GOLGA2: variants seen among roughly 807,000 people sequenced by gnomAD.
The protein encoded by GOLGA2 is golgin subfamily A member 2.
A neutral mutation model predicts 148.8 loss-of-function variants in GOLGA2; 49 were observed. That is an observed-to-expected ratio of 0.33 (90% confidence interval 0.26 to 0.42). The LOEUF (loss-of-function observed/expected upper bound fraction) is 0.42. Ranked by LOEUF, GOLGA2 falls within the 10% of genes least tolerant of loss-of-function variation. The pLI, the probability that GOLGA2 is intolerant of heterozygous loss-of-function variation, is 1.00. For synonymous variants in GOLGA2, 501 were observed against 511.8 expected (o/e 0.98, Z 0.28); for missense variants, 1,178 against 1,304.6 (o/e 0.90, Z 1.49).
chr9:128,265,341 G>A (rs1044681230), intron 12 of GOLGA2, among the ~76,000 whole-genome samples: 5 of 152,246 alleles, frequency 3.3e-5, no homozygotes, highest in Non-Finnish European at 7.4e-5. Context: ...GCCAGGTAAC[G>A]GCACAGCGGG....
In GOLGA2 at chr9:128,267,270, C is replaced by T. The variant is rs1211422487; in HGVS notation, c.566G>A (p.Arg189Gln). 5 of 1,606,572 alleles carry T rather than the reference C, an allele frequency of 3.1e-6. No individual in the cohort carries two copies. The highest frequency in any genetic ancestry group is 2.2e-5 in the East Asian group (1 of 44,856). ...SSANLKDLES[R>Q]YQQLAVALDS... ...CAGGGCTACCGCTAGCTGTTGGTAC[C>T]GGCTCTGAGGCGCATGCAGAGAGGA... Residue 189 changes from arginine to glutamine, a missense_variant, in exon 8 of 27, where the codon CGG (arginine) becomes CAG (glutamine). Arg to Gln is a conservative substitution (Grantham distance 43). Transcript: ENST00000611957.
Position 128,257,914 on chromosome 9 carries a change from C to T in GOLGA2, c.2509-22G>A, listed in dbSNP as rs1829990633. On this transcript the variant is annotated intron_variant, in intron 23 of 26. Coordinates refer to ENST00000611957, the MANE Select transcript of GOLGA2 (RefSeq NM_001366244.2). The surrounding 1 kb of genome is among the most constrained non-coding windows in gnomAD (Gnocchi z 8.0). The stretch of plus-strand genomic sequence containing the variant: ...GGCTCTGGAACCAAAATAATGGAGT[C>T]ATATATCGGCAGCGACCTGCCCCGC... The T allele has an allele frequency of 6.2e-7, 1 of 1,611,846 alleles. No individual in the cohort carries two copies. The highest frequency in any genetic ancestry group is 8.5e-7 in the Non-Finnish European group (1 of 1,177,898).
Position 128,258,555 on chromosome 9 carries a change from C to T in GOLGA2, c.2189G>A (p.Arg730Gln), listed in dbSNP as rs1386531303. The stretch of plus-strand genomic sequence containing the variant: ...CTCCTCCTCATCCTCCTCCTCCTCC[C>T]GGTCCAGTCCATCTCCTATGGGGGT... ...AHPGEGDGLD[R>Q]EEEEDEEEEE... Residue 730 changes from arginine to glutamine, a missense_variant, in exon 22 of 27, where the codon CGG (arginine) becomes CAG (glutamine). Arg to Gln is a conservative substitution (Grantham distance 43). This residue lies in a region of GOLGA2 where 529 missense variants were observed against 521.8 expected (regional missense o/e 1.01). Transcript: ENST00000611957. This position sits in a 1 kb window ranked among gnomAD's most constrained non-coding sequence, Gnocchi z 6.6. 4 of 1,567,620 alleles carry T rather than the reference C, an allele frequency of 2.6e-6. No individual in the cohort carries two copies. Among genetic ancestry groups the T allele is most frequent in the Admixed American group, 1.9e-5 (1 of 52,132 alleles).
rs1830187342 is a variant in GOLGA2 at position 128,260,462 on chromosome 9, C to T, written c.1758+3G>A. 1.2e-6 allele frequency: 2 copies of T among 1,605,900 alleles called. No homozygotes were observed. The highest frequency in any genetic ancestry group is 1.7e-6 in the Non-Finnish European group (2 of 1,174,566). ...GGCGGGCTCTCCAGGTGGGGCAGCG[C>T]ACCAGCTTTACAAATCCGCTCTGCA... On this transcript the variant is annotated splice_donor_region_variant and intron_variant, in intron 18 of 26. Transcript: ENST00000611957. This position sits in a 1 kb window ranked among gnomAD's most constrained non-coding sequence, Gnocchi z 4.8.
In GOLGA2 at chr9:128,275,950, G is replaced by A. The variant is rs768228451; in HGVS notation, c.27C>T (p.Pro9=). MWPQPRLP[P]RPAMSEETRQ... ...GGGTTTCTTCCGACATCGCGGGGCG[G>A]GGAGGGAGGCGGGGTTGGGGCCACA... is the stretch of plus-strand genomic sequence containing the variant. Residue 9 remains proline (P), a synonymous_variant, in exon 1 of 27, where the codon CCC becomes CCT. Coordinates refer to ENST00000611957, the MANE Select transcript of GOLGA2 (RefSeq NM_001366244.2). 3 of 1,597,010 alleles carry A rather than the reference G, an allele frequency of 1.9e-6. No homozygotes were observed. The highest frequency in any genetic ancestry group is 2.6e-6 in the Non-Finnish European group (3 of 1,172,528).
In GOLGA2 at chr9:128,266,171, G is replaced by T; in HGVS notation, c.681+116C>A. The T allele has an allele frequency of 1.5e-6, 2 of 1,371,320 alleles. No homozygotes were observed. Among genetic ancestry groups the T allele is most frequent in the Non-Finnish European group, 2.1e-6 (2 of 959,974 alleles). The allele number at this position is 1,371,320 out of a possible 1,614,324, so 84.9% of individuals were successfully genotyped here. ...CCTGTGGGGATGGGGTGGAATCTGG[G>T]GGGGTGAGCCTTCTTCCCCAGGCTG... On this transcript the variant is annotated intron_variant, in intron 9 of 26. Transcript: ENST00000611957. This position sits in a 1 kb window ranked among gnomAD's most constrained non-coding sequence, Gnocchi z 4.2.
intron 3 of GOLGA2, among the ~76,000 whole-genome samples, chr9:128,270,220 G>A (rs774805733): frequency 1.4e-5 from 2 of 140,390 alleles, no homozygotes; most frequent in Admixed American, 7.7e-5. Flanking sequence ...TGCAACCTCC[G>A]CCTCCTGAGT....
Position 128,263,091 on chromosome 9 carries a change from T to C in GOLGA2, c.935A>G (p.Tyr312Cys), listed in dbSNP as rs771143657. Residue 312 changes from tyrosine (Y) to cysteine (C), a missense_variant and splice_region_variant, in exon 13 of 27, where the codon TAC (tyrosine) becomes TGC (cysteine). Transcript: ENST00000611957. ...TCTCTCTTTGGTTAACTCCTTGTTGTACTGTAAATACAGAAAGGTTAAGTC... is the reference window on the plus strand; with the variant it reads ...TCTCTCTTTGGTTAACTCCTTGTTGCACTGTAAATACAGAAAGGTTAAGTC... ...VSTQQKKADR[Y>C]NKELTKERDA... 22 of 1,603,476 alleles carry C rather than the reference T, an allele frequency of 1.4e-5. No homozygotes were observed. Among genetic ancestry groups the C allele is most frequent in the Non-Finnish European group, 1.9e-5 (22 of 1,170,564 alleles).
At chr9:128,263,470 T>C (rs1419244615) in intron 12 of GOLGA2, among the ~76,000 whole-genome samples, 4 of 152,060 alleles carry the variant, frequency 2.6e-5, no homozygotes, top group Admixed American at 2.6e-4. Flanking sequence ...CAGGCTGGAG[T>C]GCAGTGGCGC....
At position 128,258,747 on chromosome 9, in the gene GOLGA2, G is replaced by T; in HGVS notation, c.2174-177C>A. On this transcript the variant is annotated intron_variant, in intron 21 of 26. Transcript: ENST00000611957. This position sits in a 1 kb window ranked among gnomAD's most constrained non-coding sequence, Gnocchi z 6.6. ...AGCCAAGGGCTCGCTATGCTGCCCAGGTGCAGTCCCACTACCGATCAGCAT... is the reference window on the plus strand; with the variant it reads ...AGCCAAGGGCTCGCTATGCTGCCCATGTGCAGTCCCACTACCGATCAGCAT... The T allele has an allele frequency of 1.6e-6, 1 of 619,644 alleles. No homozygotes were observed. Among genetic ancestry groups the T allele is most frequent in the Non-Finnish European group, 2.8e-6 (1 of 354,856 alleles). The allele number at this position is 619,644 out of a possible 1,614,324, so 38.4% of individuals were successfully genotyped here.
chr9:128,267,347 G>GA, intron 7 of GOLGA2, 73 bp from the exon 8 acceptor site: 2 of 1,380,846 alleles, frequency 1.4e-6, no homozygotes, highest in Non-Finnish European at 2.1e-6. Context: ...CATTAGGGTT[G>GA]GGGGGTGTGT....
chr9:128,273,803 G>T (rs1309197240), intron 2 of GOLGA2, 47 bp downstream of exon 2: 1 of 1,601,566 alleles, frequency 6.2e-7, no homozygotes, highest in Admixed American at 1.7e-5. Flanking sequence ...ACCCTCTACT[G>T]CCCCTTGGGC....
chr9:128,261,884 T>C lies in GOLGA2; in HGVS notation c.1135-127A>G. ...AATACAACTCTGCTGTCAAGTTTCT[T>C]TGCTTTAGAAATAAAAAATAATTTT... On this transcript the variant is annotated intron_variant, in intron 14 of 26. Transcript: ENST00000611957. This position sits in a 1 kb window ranked among gnomAD's most constrained non-coding sequence, Gnocchi z 5.7. The C allele has an allele frequency of 1.6e-6, 1 of 638,668 alleles. No homozygotes were observed. 39.6% of individuals were successfully genotyped at this position (638,668 alleles called of 1,614,324 possible).
Position 128,258,519 on chromosome 9 carries a change from T to A in GOLGA2, c.2225A>T (p.Glu742Val), listed in dbSNP as rs201018639. ...CATGGGCTGAGGTACTGCCACCGCC[T>A]CCTCCTCCTCCTCCTCCTCATCCTC... ...EEEDEEEEEE[E>V]AVAVPQPMPS... Residue 742 changes from glutamate (E) to valine (V), a missense_variant, in exon 22 of 27, where the codon GAG becomes GTG. Physicochemically the swap from Glu to Val is moderately radical, Grantham distance 121 (BLOSUM62 -2). Coordinates refer to ENST00000611957, the MANE Select transcript of GOLGA2 (RefSeq NM_001366244.2). This position sits in a 1 kb window ranked among gnomAD's most constrained non-coding sequence, Gnocchi z 6.6. 3 of 1,021,448 alleles carry A rather than the reference T, an allele frequency of 2.9e-6. No individual in the cohort carries two copies. Among genetic ancestry groups the A allele is most frequent in the Non-Finnish European group, 3.7e-6 (3 of 818,752 alleles). 63.3% of individuals were successfully genotyped at this position (1,021,448 alleles called of 1,614,324 possible). A position where few individuals can be genotyped will look rare whatever the true frequency, so the allele number is the denominator to read the frequency against.
chr9:128,267,594 G>T, intron 6 of GOLGA2, 77 bp from the exon 7 acceptor site: 1 of 1,084,752 alleles, frequency 9.2e-7, no homozygotes, highest in Non-Finnish European at 1.4e-6. Flanking sequence ...TTCTTCCCCA[G>T]CAATTGGCAA....
chr9:128,274,010 C>A (rs762611189), intron 1 of GOLGA2, 38 bp from the exon 2 acceptor site: 1 of 1,596,642 alleles, frequency 6.3e-7, no homozygotes, highest in East Asian at 2.2e-5. Context: ...ATGAGATCTA[C>A]AAGCCCCCAC....
chr9:128,266,377 T>G lies in GOLGA2; in HGVS notation c.643-52A>C. ...ACTGAGGGTGGCCCCCTCAACTCTATTCCCCAGACCAGGAACGGGTAGGCA... is the reference window on the plus strand; with the variant it reads ...ACTGAGGGTGGCCCCCTCAACTCTAGTCCCCAGACCAGGAACGGGTAGGCA... On this transcript the variant is annotated intron_variant, in intron 8 of 26. Transcript: ENST00000611957. The surrounding 1 kb of genome is among the most constrained non-coding windows in gnomAD (Gnocchi z 4.2). 1 of 1,517,190 alleles carries G rather than the reference T, an allele frequency of 6.6e-7. No homozygotes were observed. The highest frequency in any genetic ancestry group is 9.1e-7 in the Non-Finnish European group (1 of 1,095,208). 94.0% of individuals were successfully genotyped at this position (1,517,190 alleles called of 1,614,324 possible). A position where few individuals can be genotyped will look rare whatever the true frequency, so the allele number is the denominator to read the frequency against.
At chr9:128,268,268 AG>A in intron 4 of GOLGA2, 108 bp from the exon 5 acceptor site, 1 of 1,188,792 alleles carries the variant, frequency 8.4e-7, no homozygotes. Flanking sequence ...CAATCTCCCC[AG>A]GCCTCAAGGA....
chr9:128,265,538 T>A, intron 12 of GOLGA2, 47 bp downstream of exon 12: 2 of 1,360,598 alleles, frequency 1.5e-6, no homozygotes, highest in Non-Finnish European at 2.1e-6. Context: ...CACTCCTCCA[T>A]CTGGGAAGCC....
Sources: allele counts gnomAD v4.1 joint callset (sites outside exome capture counted in the v4.1 genomes callset), GRCh38; gene constraint gnomAD v4.1.1; regional missense constraint gnomAD v4.1.1; non-coding constraint Gnocchi (gnomAD v3.1); transcripts MANE v1.5; gene names NCBI Gene and HGNC (gene_info 2026-07-23, HGNC 2026-07-21).